ALDH8A1: variants seen among roughly 807,000 people sequenced by gnomAD.
The protein encoded by ALDH8A1 is 2-aminomuconic semialdehyde dehydrogenase.
In ALDH8A1, 39 loss-of-function variants were observed where a neutral mutation model predicts 43.3. The observed-to-expected ratio is 0.90, with a 90% CI of 0.70 to 1.18. The LOEUF (loss-of-function observed/expected upper bound fraction) is 1.18, where lower values mean the gene tolerates loss of function less well. ALDH8A1 is among the 50% of genes most tolerant of loss of function. ALDH8A1 has a pLI of 0.00. For synonymous variants in ALDH8A1, 233 were observed against 243.5 expected, an observed-to-expected ratio of 0.96 and a Z score of 0.40; for missense variants, 605 against 622.6, an observed-to-expected ratio of 0.97 and a Z score of 0.30.
At chr6:134,948,582 C>T (rs550096578) in intron 1 of ALDH8A1, among the ~76,000 whole-genome samples, 23 of 152,172 alleles carry the variant, frequency 1.5e-4, no homozygotes, top group South Asian at 6.2e-4. Context: ...GTTGAATAAA[C>T]GGGAGCCACT....
chr6:134,927,960 T>C (rs1422147872), intron 6 of ALDH8A1, among the ~76,000 whole-genome samples: 1 of 152,214 alleles, frequency 6.6e-6, no homozygotes, highest in African/African-American at 2.4e-5. Context: ...TCCACAACTG[T>C]TGGTCTCCCT....
At chr6:134,932,652 T>C (rs1169966184) in intron 5 of ALDH8A1, 124 bp downstream of exon 5, 1 of 1,362,006 alleles carries the variant, frequency 7.3e-7, no homozygotes, top group Non-Finnish European at 1.0e-6. Context: ...CACAATGTAC[T>C]GATCCTGCTT....
rs758461144 is a variant in ALDH8A1 at position 134,943,877 on chromosome 6, C to G, written c.228G>C (p.Val76=). Residue 76 remains valine (V), a synonymous_variant, in exon 2 of 7, where the codon GTG becomes GTC. Transcript: ENST00000265605. ...PQERSRVLNQ[V]ADLLEQSLEE... is the part of the protein sequence containing the mutation. ...CCAGGGACTGCTCCAGCAAATCCGCCACCTGGTTCAGGACCCGTGAGCGCT... is the reference window on the plus strand; with the variant it reads ...CCAGGGACTGCTCCAGCAAATCCGCGACCTGGTTCAGGACCCGTGAGCGCT... The G allele has an allele frequency of 1.9e-6, 3 of 1,614,232 alleles. No individual in the cohort carries two copies. Among genetic ancestry groups the G allele is most frequent in the Admixed American group, 3.3e-5 (2 of 60,032 alleles).
chr6:134,929,087 T>TATGCTC lies in ALDH8A1; in HGVS notation c.972_977dup (p.Ser325_Ile326insMetSer), dbSNP rs1270957226. ...AATGTGCTTTACTTATCAGAGCACC[T>TATGCTC]ATGCTCACCAGTGGATCAGAGGGAA... On this transcript the variant is annotated inframe_insertion, in exon 6 of 7. Transcript: ENST00000265605. The TATGCTC allele has an allele frequency of 1.2e-6, 2 of 1,614,236 alleles. No individual in the cohort carries two copies. Among genetic ancestry groups the TATGCTC allele is most frequent in the African/African-American group, 2.7e-5 (2 of 75,072 alleles).
rs769441242 is a variant in ALDH8A1, at chr6:134,918,559, A to G, written c.1320T>C (p.Ser440=). Residue 440 remains serine (S), a synonymous_variant, in exon 7 of 7, where the codon TCT becomes TCC. Transcript: ENST00000265605. The stretch of plus-strand genomic sequence containing the variant: ...GCCAGCAGTTGGTCCAGACCAAGCC[A>G]GACTGCAGCTTCTTAGCCACCCGGT... ...RVHRVAKKLQ[S]GLVWTNCWLI... The G allele has an allele frequency of 6.4e-5, 104 of 1,614,102 alleles. No homozygotes were observed. The highest frequency in any genetic ancestry group is 5.6e-5 in the Non-Finnish European group (66 of 1,180,038).
chr6:134,929,363 A>C, intron 5 of ALDH8A1, 148 bp from the exon 6 acceptor site: 2 of 696,066 alleles, frequency 2.9e-6, no homozygotes, highest in Non-Finnish European at 4.5e-6. Flanking sequence ...ACCATGTGGA[A>C]CACATAGTCT....
chr6:134,943,835 G>T lies in ALDH8A1; in HGVS notation c.270C>A (p.Ala90=), dbSNP rs770513538. The T allele has an allele frequency of 6.2e-7, 1 of 1,614,150 alleles. No individual in the cohort carries two copies. Among genetic ancestry groups the T allele is most frequent in the Non-Finnish European group, 8.5e-7 (1 of 1,180,008 alleles). The change falls in exon 2 of 7, where the codon GCC becomes GCA. Residue 90 remains alanine (A), a synonymous_variant. Transcript: ENST00000265605. ...AACTCTCACCTTGGTCTTTAGACTCGGCCTGGGCAAACTCCTCCAGGGACT... is the reference window on the plus strand; with the variant it reads ...AACTCTCACCTTGGTCTTTAGACTCTGCCTGGGCAAACTCCTCCAGGGACT... ...LEQSLEEFAQ[A]ESKDQGKTLA...
At chr6:134,946,510 T>C (rs1334848431) in intron 1 of ALDH8A1, among the ~76,000 whole-genome samples, 1 of 152,274 alleles carries the variant, frequency 6.6e-6, no homozygotes, top group Non-Finnish European at 1.5e-5. Context: ...CATAAGTTAA[T>C]ACATAGAAAG....
chr6:134,923,206 A>G (rs1227094153), intron 6 of ALDH8A1, among the ~76,000 whole-genome samples: 2 of 151,720 alleles, frequency 1.3e-5, no homozygotes, highest in Admixed American at 6.6e-5. Flanking sequence ...TTTTTTGTAT[A>G]ATTTTTAGAG....
intron 4 of ALDH8A1, among the ~76,000 whole-genome samples, chr6:134,936,439 G>A (rs1402493631): frequency 2.0e-5 from 3 of 152,188 alleles, no homozygotes; most frequent in South Asian, 4.1e-4. Flanking sequence ...GTGATGCGAC[G>A]AAACAAGGAC....
At chr6:134,939,133 T>G in intron 4 of ALDH8A1, 133 bp downstream of exon 4, 1 of 1,382,260 alleles carries the variant, frequency 7.2e-7, no homozygotes, top group Admixed American at 2.0e-5. Flanking sequence ...TGGAGGGGAT[T>G]TCCCAGACAA....
intron 1 of ALDH8A1, among the ~76,000 whole-genome samples, chr6:134,944,444 C>A (rs1229381295): frequency 6.6e-6 from 1 of 152,066 alleles, no homozygotes; most frequent in African/African-American, 2.4e-5. Context: ...GTTTACATGA[C>A]CAGCAAAGGA....
At chr6:134,946,793 G>T (rs888532021) in intron 1 of ALDH8A1, among the ~76,000 whole-genome samples, 1 of 150,944 alleles carries the variant, frequency 6.6e-6, no homozygotes, top group African/African-American at 2.5e-5. Flanking sequence ...CGCGCGCACA[G>T]GTGCGCATGT....
intron 5 of ALDH8A1, among the ~76,000 whole-genome samples, chr6:134,930,357 C>T (rs1243782685): frequency 1.3e-5 from 2 of 152,166 alleles, no homozygotes; most frequent in Non-Finnish European, 2.9e-5. Context: ...GGGGTTATAA[C>T]AGATTTCTCA....
chr6:134,931,870 T>A, intron 5 of ALDH8A1, among the ~76,000 whole-genome samples: 1 of 152,220 alleles, frequency 6.6e-6, no homozygotes, highest in Non-Finnish European at 1.5e-5. Flanking sequence ...TTAGAAGACA[T>A]CATTATTGTT....
At position 134,923,507 on chromosome 6, in the gene ALDH8A1, T is replaced by C. The variant is rs534357009; in HGVS notation, c.1012-4640A>G. ...CTAAGATTCATCATTTCCAAAGTGA[T>C]CCATGGCACCTAAGTATACTAAATT... On this transcript the variant is annotated intron_variant, in intron 6 of 6. Coordinates refer to ENST00000265605, the MANE Select transcript of ALDH8A1 (RefSeq NM_022568.4). 2.0e-5 allele frequency among the ~76,000 whole-genome samples: 3 copies of C among 152,302 alleles called. No homozygotes were observed. In the South Asian group the frequency reaches 6.2e-4, roughly 32 times the overall value.
intron 6 of ALDH8A1, among the ~76,000 whole-genome samples, chr6:134,922,186 T>C (rs1776813523): frequency 6.6e-6 from 1 of 152,090 alleles, no homozygotes; most frequent in Non-Finnish European, 1.5e-5. Flanking sequence ...GAGGAGGCAT[T>C]GTGGGCAGAG....
intron 6 of ALDH8A1, among the ~76,000 whole-genome samples, chr6:134,919,565 A>G (rs1006464162): frequency 6.6e-6 from 1 of 152,224 alleles, no homozygotes; most frequent in African/African-American, 2.4e-5. Flanking sequence ...CAATGGTTGT[A>G]GAAATAGCTC....
chr6:134,934,414 C>T (rs1463694633), intron 4 of ALDH8A1, among the ~76,000 whole-genome samples: 1 of 152,212 alleles, frequency 6.6e-6, no homozygotes, highest in Non-Finnish European at 1.5e-5. Flanking sequence ...TTTCCTCCCT[C>T]TTTGCAGTTT....
Sources: allele counts gnomAD v4.1 joint callset (sites outside exome capture counted in the v4.1 genomes callset), GRCh38; gene constraint gnomAD v4.1.1; transcripts MANE v1.5; gene names NCBI Gene and HGNC (gene_info 2026-07-23, HGNC 2026-07-21).